CLSTN1: variants seen among roughly 807,000 people sequenced by gnomAD.
CLSTN1 encodes calsyntenin 1.
In CLSTN1, 28 loss-of-function variants were observed where a neutral mutation model predicts 108.3. That is an observed-to-expected ratio of 0.26 (90% CI 0.19 to 0.35). CLSTN1 has a LOEUF of 0.35. Among genes scored for constraint, CLSTN1 ranks in the 10% least tolerant of loss-of-function variants. CLSTN1 has a pLI of 1.00. For synonymous variants in CLSTN1, 524 were observed against 534.9 expected (o/e 0.98, Z 0.28); for missense variants, 1,157 against 1,302.6 (o/e 0.89, Z 1.72).
chr1:9,750,779 G>C (rs1398044899), intron 5 of CLSTN1, among the ~76,000 whole-genome samples: 1 of 151,052 alleles, frequency 6.6e-6, no homozygotes, highest in Non-Finnish European at 1.5e-5. Flanking sequence ...GGCCAGGCGC[G>C]GTGGCTCACA....
intron 2 of CLSTN1, among the ~76,000 whole-genome samples, chr1:9,765,116 C>T (rs888585013): frequency 1.3e-5 from 2 of 152,020 alleles, no homozygotes; most frequent in Non-Finnish European, 2.9e-5. Context: ...TTGGGCCAGG[C>T]GCAGTGGCTC....
chr1:9,731,233 G>A lies in CLSTN1; in HGVS notation c.2721C>T (p.Ala907=), dbSNP rs1239902480. ...KENEMDWDDS[A]LTITVNPMET... ...CCATGGGGTTGACGGTGATGGTCAG[G>A]GCAGAGTCGTCCCAGTCCATCTCGT... Residue 907 remains alanine, a synonymous_variant, in exon 18 of 19, where the codon GCC becomes GCT. Transcript: ENST00000377298. 1 of 1,614,134 alleles carries A rather than the reference G, an allele frequency of 6.2e-7. No individual in the cohort carries two copies. Among genetic ancestry groups the A allele is most frequent in the African/African-American group, 1.3e-5 (1 of 74,956 alleles).
intron 7 of CLSTN1, among the ~76,000 whole-genome samples, chr1:9,748,650 G>C (rs1335423490): frequency 6.6e-6 from 1 of 152,100 alleles, no homozygotes; most frequent in Non-Finnish European, 1.5e-5. Context: ...GCCATGCCCG[G>C]CTAGTTTTTG....
At chr1:9,804,645 G>C (rs1199839998) in intron 1 of CLSTN1, among the ~76,000 whole-genome samples, 1 of 152,078 alleles carries the variant, frequency 6.6e-6, no homozygotes, top group Non-Finnish European at 1.5e-5. Flanking sequence ...AGGATTTTGA[G>C]ACCAGCCTGG....
rs147619742 is a variant in CLSTN1, at chr1:9,795,167, CTTT to C, written c.92-21776_92-21774del. ...ACATCATTTATAAAACAAATATTAA[CTTT>C]TTTTTTTTTTTTGAGGTGGAGTTTC... On this transcript the variant is annotated intron_variant, in intron 1 of 18. Transcript: ENST00000377298. Among the ~76,000 whole-genome samples the C allele has an allele frequency of 6.3e-5, 9 of 142,956 alleles. No individual in the cohort carries two copies. In the East Asian group the frequency reaches 1.2e-3, roughly 20 times the overall value. The allele number at this position is 142,956 out of a possible 152,430, so 93.8% of individuals were successfully genotyped here. A position where few individuals can be genotyped will look rare whatever the true frequency, so the allele number is the denominator to read the frequency against.
rs1284027560 is a variant in CLSTN1, at chr1:9,751,597, C to T, written c.525G>A (p.Glu175=). The change falls in exon 5 of 19, where the codon GAG becomes GAA. Residue 175 remains glutamate (E), a synonymous_variant. Transcript: ENST00000377298. The stretch of plus-strand genomic sequence containing the variant: ...TCAAAATGCTGTCGTACTGCTTCCC[C>T]TCGATGACCGTGGCTTTGTAGGACT... ...KEKSYKATVI[E]GKQYDSILRV... 1 of 1,614,164 alleles carries T rather than the reference C, an allele frequency of 6.2e-7. No individual in the cohort carries two copies. The highest frequency in any genetic ancestry group is 2.2e-5 in the East Asian group (1 of 44,882).
At chr1:9,778,409 T>C (rs1429154387) in intron 1 of CLSTN1, among the ~76,000 whole-genome samples, 1 of 152,218 alleles carries the variant, frequency 6.6e-6, no homozygotes, top group South Asian at 2.1e-4. Flanking sequence ...CCCTGATTTA[T>C]GAATTCTCTC....
In CLSTN1 at chr1:9,735,261, G is replaced by C. The variant is rs1650622818; in HGVS notation, c.1884-87C>G. On this transcript the variant is annotated intron_variant, in intron 13 of 18. Coordinates refer to ENST00000377298, the MANE Select transcript of CLSTN1 (RefSeq NM_001009566.3). ...CAAAGGCACATGGAGGTGGGATACA[G>C]AGGCCCCCACTAACACCTGCCGGGG... 6 of 1,475,864 alleles carry C rather than the reference G, an allele frequency of 4.1e-6. No individual in the cohort carries two copies. The South Asian group carries it at 4.6e-5, about 11-fold the overall frequency. The allele number at this position is 1,475,864 out of a possible 1,614,324, so 91.4% of individuals were successfully genotyped here. A position where few individuals can be genotyped will look rare whatever the true frequency, so the allele number is the denominator to read the frequency against.
In CLSTN1 at chr1:9,734,163, G is replaced by T. The variant is rs750839434; in HGVS notation, c.2111-21C>A. On this transcript the variant is annotated intron_variant, in intron 14 of 18. Transcript: ENST00000377298. This position sits in a 1 kb window ranked among gnomAD's most constrained non-coding sequence, Gnocchi z 4.8. ...TTGAACTGCAAAAGAGGCCCAACCA[G>T]AAATATTAAGTAGGGGCAGTGGGGC... 3.7e-6 allele frequency: 6 copies of T among 1,613,072 alleles called. No homozygotes were observed. The highest frequency in any genetic ancestry group is 5.1e-6 in the Non-Finnish European group (6 of 1,179,354).
intron 2 of CLSTN1, among the ~76,000 whole-genome samples, chr1:9,767,049 T>C (rs1652372288): frequency 6.6e-6 from 1 of 152,268 alleles, no homozygotes; most frequent in African/African-American, 2.4e-5. Context: ...CTGTCACTTA[T>C]GAGCTGTGTG....
chr1:9,733,817 C>T (rs966089982), intron 15 of CLSTN1, among the ~76,000 whole-genome samples, 155 bp downstream of exon 15: 3 of 152,170 alleles, frequency 2.0e-5, no homozygotes, highest in East Asian at 3.9e-4. Context: ...CAGGAGTATG[C>T]GTGCAGCCAA....
At chr1:9,804,747 A>T (rs1654434009) in intron 1 of CLSTN1, among the ~76,000 whole-genome samples, 1 of 152,102 alleles carries the variant, frequency 6.6e-6, no homozygotes, top group African/African-American at 2.4e-5. Flanking sequence ...TGAAAGGATC[A>T]CCTGAGTTCG....
intron 15 of CLSTN1, 29 bp downstream of exon 15, chr1:9,733,943 C>A: frequency 6.3e-7 from 1 of 1,586,990 alleles, no homozygotes. Context: ...CAGCCTGGCC[C>A]ACCTGCGTGG....
intron 1 of CLSTN1, among the ~76,000 whole-genome samples, chr1:9,795,597 A>G (rs1653952363): frequency 6.6e-6 from 1 of 151,502 alleles, no homozygotes; most frequent in Non-Finnish European, 1.5e-5. Flanking sequence ...ACTACAGTAC[A>G]AGATTGGGGA....
At chr1:9,789,986 A>G (rs948221280) in intron 1 of CLSTN1, among the ~76,000 whole-genome samples, 1 of 151,482 alleles carries the variant, frequency 6.6e-6, no homozygotes, top group Non-Finnish European at 1.5e-5. Context: ...CTAAAAAAAT[A>G]AAGTAAAATA....
chr1:9,749,498 T>C lies in CLSTN1; in HGVS notation c.948A>G (p.Arg316=), dbSNP rs1410107727. The change falls in exon 7 of 19, where the codon CGA becomes CGG. Residue 316 remains arginine, a synonymous_variant. Coordinates refer to ENST00000377298, the MANE Select transcript of CLSTN1 (RefSeq NM_001009566.3). ...GGAGGGACTTCTCTGAGTAGGTGTC[T>C]CGGTCGCAGCCTTTCCCTATGTGGC... is the stretch of plus-strand genomic sequence containing the variant. The part of the protein sequence containing the change: ...ETSHIGKGCD[R]DTYSEKSLHR... The C allele has an allele frequency of 6.2e-6, 10 of 1,613,678 alleles. No individual in the cohort carries two copies.
chr1:9,753,803 G>A (rs935599090), intron 4 of CLSTN1, among the ~76,000 whole-genome samples: 1 of 151,998 alleles, frequency 6.6e-6, no homozygotes, highest in African/African-American at 2.4e-5. Flanking sequence ...CACCGTGCCT[G>A]GCCAATTTTT....
intron 1 of CLSTN1, among the ~76,000 whole-genome samples, chr1:9,784,279 G>A (rs1352947341): frequency 2.6e-5 from 4 of 151,848 alleles, no homozygotes; most frequent in Admixed American, 1.3e-4. Flanking sequence ...GGGGGCAGAC[G>A]TTGCAGTGAG....
intron 1 of CLSTN1, among the ~76,000 whole-genome samples, chr1:9,790,773 A>G (rs1653729242): frequency 6.6e-6 from 1 of 151,382 alleles, no homozygotes; most frequent in South Asian, 2.2e-4. Context: ...GACAGCGACA[A>G]TCACAAGGCT....
Sources: allele counts gnomAD v4.1 joint callset (sites outside exome capture counted in the v4.1 genomes callset), GRCh38; gene constraint gnomAD v4.1.1; non-coding constraint Gnocchi (gnomAD v3.1); transcripts MANE v1.5; gene names NCBI Gene and HGNC (gene_info 2026-07-23, HGNC 2026-07-21).